LRP1: variants seen among roughly 807,000 people sequenced by gnomAD.
LRP1 encodes the protein LDL receptor related protein 1, also known as prolow-density lipoprotein receptor-related protein 1.
A neutral mutation model predicts 541.5 loss-of-function variants in LRP1; 51 were observed. The observed-to-expected ratio is 0.09, with a 90% confidence interval of 0.08 to 0.12. The LOEUF is 0.12. Ranked by LOEUF, LRP1 falls within the 10% of genes least tolerant of loss-of-function variation. The probability of loss-of-function intolerance (pLI) is 1.00; values close to 1 mark genes in which losing one functional copy is unlikely to be tolerated. For synonymous variants in LRP1, 2,219 were observed against 2,470.8 expected, an observed-to-expected ratio of 0.90 and a Z score of 3.02; for missense variants, 3,878 against 6,376.2, an observed-to-expected ratio of 0.61 and a Z score of 13.34.
At chr12:57,141,647 C>G in intron 3 of LRP1, 136 bp downstream of exon 3, 1 of 1,181,784 alleles carries the variant, frequency 8.5e-7, no homozygotes, top group South Asian at 1.5e-5. Context: ...CTTCAGAGAG[C>G]AGATGAAATT....
Position 57,167,054 on chromosome 12 carries a change from G to C in LRP1, c.2914+8G>C. 6.2e-7 allele frequency: 1 copy of C among 1,610,360 alleles called. No individual in the cohort carries two copies. Among genetic ancestry groups the C allele is most frequent in the Non-Finnish European group, 8.5e-7 (1 of 1,176,842 alleles). ...ATGAGTCTGCTTCGTGTGGTAAGAG[G>C]GATGGGCAGAGGGAGTCAGGCTGGG... On this transcript the variant is annotated splice_region_variant and intron_variant, in intron 18 of 88. Transcript: ENST00000243077.
chr12:57,162,573 G>T lies in LRP1; in HGVS notation c.2404+55G>T. 1 of 1,596,928 alleles carries T rather than the reference G, an allele frequency of 6.3e-7. No individual in the cohort carries two copies. Among genetic ancestry groups the T allele is most frequent in the South Asian group, 1.1e-5 (1 of 90,420 alleles). ...GACCTGGAAGGGGTGGTGGGACTTA[G>T]GCATTGATTTGAGACTTCCCTGGGA... is the stretch of plus-strand genomic sequence containing the variant. On this transcript the variant is annotated intron_variant, in intron 14 of 88. Transcript: ENST00000243077. This position sits in a 1 kb window ranked among gnomAD's most constrained non-coding sequence, Gnocchi z 5.2.
Position 57,179,742 on chromosome 12 carries a change from T to C in LRP1, c.4967-40T>C. 6.3e-7 allele frequency: 1 copy of C among 1,598,916 alleles called. No homozygotes were observed. The highest frequency in any genetic ancestry group is 1.7e-4 in the Middle Eastern group (1 of 6,006). On this transcript the variant is annotated intron_variant, in intron 29 of 88. Coordinates refer to ENST00000243077, the MANE Select transcript of LRP1 (RefSeq NM_002332.3). The surrounding 1 kb of genome is among the most constrained non-coding windows in gnomAD (Gnocchi z 6.8). ...TGGCTCCCCTCCTGACCCACTGCCCTGCAGACACCCAACAACTGACTCCCT... is the reference window on the plus strand; with the variant it reads ...TGGCTCCCCTCCTGACCCACTGCCCCGCAGACACCCAACAACTGACTCCCT...
In LRP1 at chr12:57,141,491, A is replaced by G; in HGVS notation, c.308A>G (p.Asp103Gly). The G allele has an allele frequency of 6.2e-7, 1 of 1,614,166 alleles. No individual in the cohort carries two copies. Among genetic ancestry groups the G allele is most frequent in the East Asian group, 2.2e-5 (1 of 44,882 alleles). The change falls in exon 3 of 89, where the codon GAT becomes GGT. Residue 103 changes from aspartate to glycine, a missense_variant. Around this residue, in one of 13 missense-constraint regions of LRP1, gnomAD observed 293 missense variants for 403.7 expected, o/e 0.73. Transcript: ENST00000243077. ...NGVQDCMDGS[D>G]EGPHCRELQG... ...GTCCAGGACTGCATGGACGGCTCAG[A>G]TGAGGGGCCCCACTGCCGAGGTAAG...
rs1202974006 is a variant in LRP1, at chr12:57,201,490, C to T, written c.10346-7C>T. On this transcript the variant is annotated splice_polypyrimidine_tract_variant and splice_region_variant and intron_variant, in intron 65 of 88. Transcript: ENST00000243077. This position sits in a 1 kb window ranked among gnomAD's most constrained non-coding sequence, Gnocchi z 6.4. Reference sequence around the variant, plus strand: ...GGAGGGCCCTCATTCTCTTGCCCACCCCACAGCCGAGGTGACCTGCGCCCC... The same window carrying T: ...GGAGGGCCCTCATTCTCTTGCCCACTCCACAGCCGAGGTGACCTGCGCCCC... 10 of 1,607,330 alleles carry T rather than the reference C, an allele frequency of 6.2e-6. No homozygotes were observed. Among genetic ancestry groups the T allele is most frequent in the South Asian group, 1.1e-5 (1 of 90,342 alleles).
Position 57,156,760 on chromosome 12 carries a change from C to T in LRP1, c.1418-17C>T. 2 of 1,598,924 alleles carry T rather than the reference C, an allele frequency of 1.3e-6. No individual in the cohort carries two copies. The highest frequency in any genetic ancestry group is 2.2e-5 in the South Asian group (2 of 90,052). ...GGGGCTCTGAGGGGTCCTAACAGCT[C>T]TTCACCCTGCCCCCAGTGAGGAGCC... is the stretch of plus-strand genomic sequence containing the variant. On this transcript the variant is annotated splice_polypyrimidine_tract_variant and intron_variant, in intron 9 of 88. Coordinates refer to ENST00000243077, the MANE Select transcript of LRP1 (RefSeq NM_002332.3). The surrounding 1 kb of genome is among the most constrained non-coding windows in gnomAD (Gnocchi z 5.2).
rs1458345295 is a variant in LRP1, at chr12:57,156,204, C to T, written c.1338C>T (p.Asn446=). ...KTSVIRVNRF[N]STEYQVVTRV... ...GTGTGATCCGTGTGAACCGCTTTAA[C>T]AGCACCGAGTACCAGGTTGTCACCC... Residue 446 remains asparagine, a synonymous_variant, in exon 9 of 89, where the codon AAC becomes AAT. Transcript: ENST00000243077. The surrounding 1 kb of genome is among the most constrained non-coding windows in gnomAD (Gnocchi z 5.2). 1.2e-6 allele frequency: 2 copies of T among 1,614,176 alleles called. No homozygotes were observed. Among genetic ancestry groups the T allele is most frequent in the East Asian group, 2.2e-5 (1 of 44,864 alleles).
chr12:57,164,533 T>C (rs2035800873), intron 15 of LRP1: 4 of 152,256 alleles, frequency 2.6e-5, no homozygotes. Context: ...GAGCATGGAC[T>C]GTGTGCTCAG....
intron 76 of LRP1, among the ~76,000 whole-genome samples, chr12:57,207,294 T>G (rs2036803614): frequency 1.9e-5 from 1 of 53,138 alleles, no homozygotes; most frequent in Non-Finnish European, 4.1e-5. Context: ...AGAGACTCGG[T>G]CTCTAAATAA....
Position 57,200,826 on chromosome 12 carries a change from G to GACC in LRP1, c.10225+11_10225+12insACC. ...ACGAGGCCAACTGTGGTAAGGCGCT[G>GACC]CCCGCCCACCCTCCCTCCTTCCCCA... On this transcript the variant is annotated intron_variant, in intron 64 of 88. Coordinates refer to ENST00000243077, the MANE Select transcript of LRP1 (RefSeq NM_002332.3). 1.3e-5 allele frequency: 21 copies of GACC among 1,581,432 alleles called. No individual in the cohort carries two copies. The highest frequency in any genetic ancestry group is 7.8e-5 in the South Asian group (7 of 90,000).
At chr12:57,199,489 C>G (rs907301865) in intron 61 of LRP1, 89 bp downstream of exon 61, 1 of 1,395,764 alleles carries the variant, frequency 7.2e-7, no homozygotes, top group Non-Finnish European at 9.8e-7. Flanking sequence ...CTAGCATTGA[C>G]CAAGCCCTCC....
chr12:57,184,693 G>A lies in LRP1; in HGVS notation c.6187-146G>A, dbSNP rs2036234033. ...AGGTCACCTTATCAGCAGGGCAGTG[G>A]GCAGGAGTGTATGCAGGAGGCAGGA... On this transcript the variant is annotated intron_variant, in intron 38 of 88. Transcript: ENST00000243077. This position sits in a 1 kb window ranked among gnomAD's most constrained non-coding sequence, Gnocchi z 7.8. 2 of 990,404 alleles carry A rather than the reference G, an allele frequency of 2.0e-6. No individual in the cohort carries two copies. Among genetic ancestry groups the A allele is most frequent in the Non-Finnish European group, 3.0e-6 (2 of 677,274 alleles). The allele number at this position is 990,404 out of a possible 1,614,324, so 61.4% of individuals were successfully genotyped here.
Position 57,179,590 on chromosome 12 carries a change from A to C in LRP1, c.4966+34A>C. On this transcript the variant is annotated intron_variant, in intron 29 of 88. Coordinates refer to ENST00000243077, the MANE Select transcript of LRP1 (RefSeq NM_002332.3). This position sits in a 1 kb window ranked among gnomAD's most constrained non-coding sequence, Gnocchi z 6.8. Reference sequence around the variant, plus strand: ...TGGCCCTGGATGCCCACCAGTGGACATGGGCACCTCCACCCGCCCCTTGCT... The same window carrying C: ...TGGCCCTGGATGCCCACCAGTGGACCTGGGCACCTCCACCCGCCCCTTGCT... 1.9e-6 allele frequency: 3 copies of C among 1,579,748 alleles called. No individual in the cohort carries two copies. The highest frequency in any genetic ancestry group is 2.6e-6 in the Non-Finnish European group (3 of 1,150,644).
At chr12:57,172,256 C>G (rs969900208) in intron 20 of LRP1, among the ~76,000 whole-genome samples, 1 of 151,830 alleles carries the variant, frequency 6.6e-6, no homozygotes, top group Non-Finnish European at 1.5e-5. Context: ...CTGCAAGCTC[C>G]GCCTCCCAGT....
chr12:57,185,508 C>A lies in LRP1; in HGVS notation c.6464-23C>A. ...AGCCTTTCCCAAGGCAGGCCCTGCC[C>A]TCTGTACCCTCCCCTCCCCCAGGCA... On this transcript the variant is annotated intron_variant, in intron 40 of 88. Coordinates refer to ENST00000243077, the MANE Select transcript of LRP1 (RefSeq NM_002332.3). This position sits in a 1 kb window ranked among gnomAD's most constrained non-coding sequence, Gnocchi z 4.9. 1 of 1,565,834 alleles carries A rather than the reference C, an allele frequency of 6.4e-7. No homozygotes were observed. The highest frequency in any genetic ancestry group is 1.2e-5 in the South Asian group (1 of 85,192).
At position 57,128,740 on chromosome 12, in the gene LRP1, G is replaced by C. The variant is rs1043838207; in HGVS notation, c.-225G>C. Reference sequence around the variant, plus strand: ...AGCGGGGGGGTGGGGTGAAGGGTTTGGATTTCGGGGCAGGGGGCGCACCCC... The same window carrying C: ...AGCGGGGGGGTGGGGTGAAGGGTTTCGATTTCGGGGCAGGGGGCGCACCCC... On this transcript the variant is annotated 5_prime_UTR_variant, in exon 1 of 89. Transcript: ENST00000243077. 10 of 441,372 alleles carry C rather than the reference G, an allele frequency of 2.3e-5. No individual in the cohort carries two copies. Among genetic ancestry groups the C allele is most frequent in the African/African-American group, 2.0e-4 (10 of 49,888 alleles). 27.3% of individuals were successfully genotyped at this position (441,372 alleles called of 1,614,324 possible). A position where few individuals can be genotyped will look rare whatever the true frequency, so the allele number is the denominator to read the frequency against.
At chr12:57,187,535 C>T (rs1457898791) in intron 42 of LRP1, 79 bp downstream of exon 42, 13 of 1,433,466 alleles carry the variant, frequency 9.1e-6, no homozygotes, top group East Asian at 2.4e-5. Flanking sequence ...CAGATCCAAG[C>T]GGGGGTGCAG....
In LRP1 at chr12:57,181,182, T is replaced by C. The variant is rs1030096318; in HGVS notation, c.5553T>C (p.Ser1851=). ...QLDHKGTNPC[S]VNNGDCSQLC... is the part of the protein sequence containing the mutation. Reference sequence around the variant, plus strand: ...ACCATAAGGGCACCAACCCCTGCAGTGTCAACAACGGTGACTGCTCCCAGC... The same window carrying C: ...ACCATAAGGGCACCAACCCCTGCAGCGTCAACAACGGTGACTGCTCCCAGC... Residue 1851 remains serine (S), a synonymous_variant, in exon 34 of 89, where the codon AGT becomes AGC. Transcript: ENST00000243077. The C allele has an allele frequency of 3.1e-6, 5 of 1,613,646 alleles. No individual in the cohort carries two copies. Among genetic ancestry groups the C allele is most frequent in the Non-Finnish European group, 4.2e-6 (5 of 1,179,994 alleles).
In LRP1 at chr12:57,211,846, A is replaced by C; in HGVS notation, c.13258+32A>C. On this transcript the variant is annotated intron_variant, in intron 86 of 88. Transcript: ENST00000243077. This position sits in a 1 kb window ranked among gnomAD's most constrained non-coding sequence, Gnocchi z 4.3. ...GGCAGGGGTTGGGGCAGGCAGGGCC[A>C]CCGGGACCTAGAGCAGGGGGACCGT... 6.2e-7 allele frequency: 1 copy of C among 1,613,236 alleles called. No homozygotes were observed.
Sources: allele counts gnomAD v4.1 joint callset (sites outside exome capture counted in the v4.1 genomes callset), GRCh38; gene constraint gnomAD v4.1.1; regional missense constraint gnomAD v4.1.1; non-coding constraint Gnocchi (gnomAD v3.1); transcripts MANE v1.5; gene names NCBI Gene and HGNC (gene_info 2026-07-23, HGNC 2026-07-21).